MED16: variants seen among roughly 807,000 people sequenced by gnomAD.
The protein encoded by MED16 is mediator complex subunit 16, also known as mediator of RNA polymerase II transcription subunit 16.
A neutral mutation model predicts 84.4 loss-of-function variants in MED16; 81 were observed. The observed-to-expected ratio is 0.96, with a 90% CI of 0.80 to 1.15. The LOEUF (loss-of-function observed/expected upper bound fraction) is 1.15, where lower values mean the gene tolerates loss of function less well. Ranked by LOEUF, MED16 falls within the 50% of genes most tolerant of loss-of-function variation. The pLI, the probability that MED16 is intolerant of heterozygous loss-of-function variation, is 0.00. For synonymous variants in MED16, 897 were observed against 552.2 expected (o/e 1.62, Z -8.76); for missense variants, 1,585 against 1,245.9 (o/e 1.27, Z -4.10).
chr19:877,927 A>C (rs12985652), intron 8 of MED16, among the ~76,000 whole-genome samples: 2 of 94,352 alleles, frequency 2.1e-5, no homozygotes, highest in East Asian at 3.5e-4. Context: ...CCAGCAGCTC[A>C]CCTTCCCGTG....
At chr19:882,225 T>C (rs1245288320) in intron 6 of MED16, among the ~76,000 whole-genome samples, 1 of 152,172 alleles carries the variant, frequency 6.6e-6, no homozygotes, top group Non-Finnish European at 1.5e-5. Context: ...AAATGTGACA[T>C]GGCCGGGCAC....
Position 884,912 on chromosome 19 carries a change from A to C in MED16, c.976T>G (p.Ser326Ala). 1 of 1,606,934 alleles carries C rather than the reference A, an allele frequency of 6.2e-7. No individual in the cohort carries two copies. The highest frequency in any genetic ancestry group is 1.1e-5 in the South Asian group (1 of 90,442). Residue 326 changes from serine (S) to alanine (A), a missense_variant, in exon 6 of 16, where the codon TCC becomes GCC. Coordinates refer to ENST00000325464, the MANE Select transcript of MED16 (RefSeq NM_005481.3). Reference protein sequence around the residue: ...LPVNNIFQQISPVVGDKQPTI... With the variant: ...LPVNNIFQQIAPVVGDKQPTI... ...CCGGCGGGAGACTCACCCACGGGGG[A>C]GATCTGCTGGAAGATGTTGTTCACG...
chr19:886,367 T>C (rs1273247411), intron 4 of MED16, among the ~76,000 whole-genome samples, 166 bp from the exon 5 acceptor site: 1 of 152,204 alleles, frequency 6.6e-6, no homozygotes, highest in Non-Finnish European at 1.5e-5. Context: ...TGATCCCCTC[T>C]GACCCTCCGT....
At chr19:872,811 G>C (rs893731047) in intron 11 of MED16, 1 of 293,424 alleles carries the variant, frequency 3.4e-6, no homozygotes, top group Non-Finnish European at 5.3e-6. Flanking sequence ...GAAGCAAGGC[G>C]AACCGGCCTT....
chr19:881,847 T>C (rs1361258889), intron 6 of MED16, 133 bp from the exon 7 acceptor site: 4 of 1,101,452 alleles, frequency 3.6e-6, no homozygotes, highest in African/African-American at 1.6e-5. Context: ...CCTGCTCCCA[T>C]GCCCAGAAGA....
Position 890,240 on chromosome 19 carries a change from CAG to C in MED16, c.172_173del (p.Leu58AspfsTer58). The C allele has an allele frequency of 6.5e-7, 1 of 1,547,832 alleles. No individual in the cohort carries two copies. Among genetic ancestry groups the C allele is most frequent in the South Asian group, 1.2e-5 (1 of 83,470 alleles). On this transcript the variant is annotated frameshift_variant and splice_region_variant, in exon 3 of 16. Transcript: ENST00000325464. LOFTEE classifies it high-confidence loss of function. Reference protein sequence around the residue: ...TMDLRSDDQDLTRMIHILDTE... With the variant: ...TMDLRSDDQDXTRMIHILDTE... Reference sequence around the variant, plus strand: ...TGTCCAGGATGTGGATCATGCGGGTCAGGTCTGTGGGGACGGGGCATGGTCAG... The same window carrying C: ...TGTCCAGGATGTGGATCATGCGGGTCGTCTGTGGGGACGGGGCATGGTCAG...
intron 6 of MED16, among the ~76,000 whole-genome samples, chr19:883,080 C>T (rs1213833825): frequency 3.9e-5 from 6 of 152,304 alleles, no homozygotes; most frequent in African/African-American, 1.4e-4. Flanking sequence ...GCCAGGGTAC[C>T]CTCACAGCAC....
chr19:878,579 C>T (rs370229226), intron 8 of MED16, among the ~76,000 whole-genome samples: 10 of 126,256 alleles, frequency 7.9e-5, no homozygotes, highest in Admixed American at 1.6e-4. Context: ...GCCCCACATG[C>T]CCCAGCAGCT....
In MED16 at chr19:877,176, C is replaced by T. The variant is rs750142946; in HGVS notation, c.1358G>A (p.Ser453Asn). Residue 453 changes from serine to asparagine, a missense_variant, in exon 9 of 16, where the codon AGC (serine) becomes AAC (asparagine). Transcript: ENST00000325464. ...LVGIDSHGKL[S>N]VLRLSPSMGH... Reference sequence around the variant, plus strand: ...CATGGAAGGTGAGAGGCGGAGCACGCTCAGCTGCCAGAGACAGAGCCCAAG... The same window carrying T: ...CATGGAAGGTGAGAGGCGGAGCACGTTCAGCTGCCAGAGACAGAGCCCAAG... The T allele has an allele frequency of 6.2e-7, 1 of 1,607,816 alleles. No individual in the cohort carries two copies. Among genetic ancestry groups the T allele is most frequent in the South Asian group, 1.1e-5 (1 of 90,458 alleles).
At chr19:872,324 C>G (rs1250124422) in intron 11 of MED16, among the ~76,000 whole-genome samples, 1 of 151,958 alleles carries the variant, frequency 6.6e-6, no homozygotes, top group African/African-American at 2.4e-5. Flanking sequence ...AGGACAGCCC[C>G]ATTTGCAGAG....
Position 871,543 on chromosome 19 carries a change from A to T in MED16, c.2099-290T>A. On this transcript the variant is annotated intron_variant, in intron 12 of 15. Transcript: ENST00000325464. Reference sequence around the variant, plus strand: ...CCTTTTCCAGACACTGGGATGTAAGAATGACACAGCTCACCCTCCTCACAT... The same window carrying T: ...CCTTTTCCAGACACTGGGATGTAAGTATGACACAGCTCACCCTCCTCACAT... The T allele has an allele frequency of 3.2e-6, 5 of 1,582,916 alleles. No individual in the cohort carries two copies. The African/African-American group carries it at 4.0e-5, about 13-fold the overall frequency.
intron 12 of MED16, 105 bp from the exon 13 acceptor site, chr19:871,358 C>A (rs2036049386): frequency 6.6e-6 from 9 of 1,358,704 alleles, no homozygotes; most frequent in Admixed American, 2.3e-5. Flanking sequence ...CAGGTCAGGG[C>A]CCCAGCTCTG....
intron 9 of MED16, among the ~76,000 whole-genome samples, chr19:876,003 C>T (rs2036220515): frequency 6.6e-6 from 1 of 152,220 alleles, no homozygotes; most frequent in Non-Finnish European, 1.5e-5. Context: ...AGCGACGGCC[C>T]AAGGAGGGAG....
At chr19:887,990 G>A (rs1459485762) in intron 4 of MED16, among the ~76,000 whole-genome samples, 1 of 152,014 alleles carries the variant, frequency 6.6e-6, no homozygotes, top group Non-Finnish European at 1.5e-5. Flanking sequence ...ATCACCTGAG[G>A]TTAGGAGTTC....
At position 871,938 on chromosome 19, in the gene MED16, G is replaced by A. The variant is rs1180434376; in HGVS notation, c.2086C>T (p.Leu696Phe). 2 of 1,598,392 alleles carry A rather than the reference G, an allele frequency of 1.3e-6. No homozygotes were observed. Among genetic ancestry groups the A allele is most frequent in the Non-Finnish European group, 1.7e-6 (2 of 1,174,550 alleles). ...GGGGGTGCCTCACAGCAGATCCAGA[G>A]CTTGGTGAGCAGGCGGAAGAGCAGG... ...MSLLFRLLTK[L>F]WICCRDEGPA... The change falls in exon 12 of 16, where the codon CTC (leucine) becomes TTC (phenylalanine). Residue 696 changes from leucine (L) to phenylalanine (F), a missense_variant. Coordinates refer to ENST00000325464, the MANE Select transcript of MED16 (RefSeq NM_005481.3).
chr19:873,305 G>C (rs974923290), intron 11 of MED16, 144 bp downstream of exon 11: 10 of 632,534 alleles, frequency 1.6e-5, no homozygotes, highest in Admixed American at 2.8e-5. Flanking sequence ...GGGACTCCAA[G>C]TAGGGGCGGG....
intron 4 of MED16, 65 bp from the exon 5 acceptor site, chr19:886,266 A>T: frequency 7.3e-7 from 1 of 1,367,262 alleles, no homozygotes; most frequent in East Asian, 2.5e-5. Flanking sequence ...CATGACCCCC[A>T]GAAACACGCG....
rs147300279 is a variant in MED16 at position 885,473 on chromosome 19, C to G, written c.879+297G>C. Among the ~76,000 whole-genome samples, 317 of 152,138 alleles carry G rather than the reference C, an allele frequency of 2.1e-3. 1 individual carries two copies. The highest frequency in any genetic ancestry group is 7.1e-3 in the African/African-American group (294 of 41,512). On this transcript the variant is annotated intron_variant, in intron 5 of 15. Coordinates refer to ENST00000325464, the MANE Select transcript of MED16 (RefSeq NM_005481.3). ...CACGTTGGGGGGGGTCCGGGGGCCC[C>G]AGTGTCCTCACAGGGTCCTCAGGAG...
chr19:868,789 G>A, intron 14 of MED16, 74 bp downstream of exon 14: 2 of 1,457,750 alleles, frequency 1.4e-6, no homozygotes, highest in Non-Finnish European at 1.9e-6. Context: ...TGGAGCGCTG[G>A]GTGGGGGCTA....
Sources: allele counts gnomAD v4.1 joint callset (sites outside exome capture counted in the v4.1 genomes callset), GRCh38; gene constraint gnomAD v4.1.1; transcripts MANE v1.5; gene names NCBI Gene and HGNC (gene_info 2026-07-23, HGNC 2026-07-21).